The following JAZF1 variants were observed in gnomAD, a reference collection of about 807,000 sequenced individuals.
JAZF1 encodes the protein juxtaposed with another zinc finger protein 1.
JAZF1 carries 8 observed loss-of-function variants against 26.4 expected under a neutral mutation model. The observed-to-expected ratio is 0.30, with a 90% CI of 0.18 to 0.55. The LOEUF is 0.55. Ranked by LOEUF, JAZF1 falls within the 20% of genes least tolerant of loss-of-function variation. The probability of loss-of-function intolerance (pLI) is 0.94; values close to 1 mark genes in which losing one functional copy is unlikely to be tolerated. For missense variants in JAZF1, 199 were observed against 322.0 expected, an observed-to-expected ratio of 0.62 and a Z score of 2.92; for synonymous variants, 126 against 122.3, an observed-to-expected ratio of 1.03 and a Z score of -0.20.
chr7:27,932,242 C>T (rs1235989310), intron 2 of JAZF1, among the ~76,000 whole-genome samples: 2 of 152,140 alleles, frequency 1.3e-5, no homozygotes, highest in Non-Finnish European at 2.9e-5. Context: ...AGACATTTCC[C>T]CCAACTGTTC....
At chr7:27,886,183 AC>A (rs1783859678) in intron 3 of JAZF1, among the ~76,000 whole-genome samples, 1 of 152,196 alleles carries the variant, frequency 6.6e-6, no homozygotes, top group South Asian at 2.1e-4. Flanking sequence ...ATTAATCCTC[AC>A]AGTAAAGTAA....
chr7:27,835,565 G>A (rs577988516), intron 4 of JAZF1, among the ~76,000 whole-genome samples: 1 of 152,316 alleles, frequency 6.6e-6, no homozygotes, highest in South Asian at 2.1e-4. Flanking sequence ...TCCAGGGTTG[G>A]TCAGAGAACC....
chr7:28,136,353 T>C (rs1269453608), intron 1 of JAZF1, among the ~76,000 whole-genome samples: 2 of 152,222 alleles, frequency 1.3e-5, no homozygotes, highest in Non-Finnish European at 2.9e-5. Flanking sequence ...TTATCTCCCA[T>C]ATTGAACCAG....
chr7:28,144,156 C>T (rs983502336), intron 1 of JAZF1, among the ~76,000 whole-genome samples: 4 of 152,202 alleles, frequency 2.6e-5, no homozygotes, highest in African/African-American at 9.7e-5. Context: ...GCAGGCAGTG[C>T]TATCCTCCCA....
intron 2 of JAZF1, among the ~76,000 whole-genome samples, chr7:27,980,774 C>A (rs1480220620): frequency 6.7e-6 from 1 of 148,544 alleles, no homozygotes; most frequent in Non-Finnish European, 1.5e-5. Context: ...ATTTAGCCTA[C>A]TGTTGTCAAG....
intron 2 of JAZF1, among the ~76,000 whole-genome samples, chr7:27,977,708 C>G (rs1583489604): frequency 1.3e-5 from 2 of 152,134 alleles, no homozygotes; most frequent in Admixed American, 6.5e-5. Flanking sequence ...TCACTTGCAC[C>G]CCCTTTCTCT....
chr7:28,158,782 C>T (rs1783232669), intron 1 of JAZF1, among the ~76,000 whole-genome samples: 1 of 152,188 alleles, frequency 6.6e-6, no homozygotes, highest in Admixed American at 6.5e-5. Context: ...AGAAGCAGTC[C>T]TATCTTTGAT....
chr7:28,180,006 G>A (rs1036345734), intron 1 of JAZF1, among the ~76,000 whole-genome samples: 2 of 131,544 alleles, frequency 1.5e-5, no homozygotes, highest in Admixed American at 8.2e-5. Context: ...TGCAGCGCCC[G>A]CCCCCCGCTG....
intron 2 of JAZF1, among the ~76,000 whole-genome samples, chr7:27,931,096 G>A (rs2128349936): frequency 6.6e-6 from 1 of 152,278 alleles, no homozygotes; most frequent in East Asian, 1.9e-4. Context: ...CTTCCAGAAG[G>A]CCATCTACAA....
intron 1 of JAZF1, among the ~76,000 whole-genome samples, chr7:28,039,120 G>A (rs181172620): frequency 6.6e-6 from 1 of 152,266 alleles, no homozygotes; most frequent in East Asian, 1.9e-4. Flanking sequence ...CATATGGAAC[G>A]TAAGCTCATA....
intron 2 of JAZF1, among the ~76,000 whole-genome samples, chr7:27,974,922 G>C (rs1785443071): frequency 6.8e-6 from 1 of 146,972 alleles, no homozygotes; most frequent in South Asian, 2.2e-4. Flanking sequence ...TCTCGCCTCT[G>C]TCACCAGGCT....
intron 3 of JAZF1, among the ~76,000 whole-genome samples, chr7:27,874,160 C>T (rs1783632736): frequency 6.6e-6 from 1 of 152,240 alleles, no homozygotes; most frequent in African/African-American, 2.4e-5. Flanking sequence ...CCCAGGAAGG[C>T]TGGCTCAGCC....
At chr7:27,994,194 T>C (rs574385963) in intron 1 of JAZF1, among the ~76,000 whole-genome samples, 8 of 152,346 alleles carry the variant, frequency 5.3e-5, no homozygotes, top group African/African-American at 1.7e-4. Flanking sequence ...TACAAATGTC[T>C]ACAATTTTGT....
chr7:27,896,727 A>G (rs1009221156), intron 2 of JAZF1, among the ~76,000 whole-genome samples: 5 of 152,236 alleles, frequency 3.3e-5, no homozygotes, highest in Non-Finnish European at 7.3e-5. Flanking sequence ...AACAACAGTA[A>G]TACTGTTACG....
chr7:28,125,425 AAGAT>A (rs1782679266), intron 1 of JAZF1, among the ~76,000 whole-genome samples: 1 of 152,216 alleles, frequency 6.6e-6, no homozygotes, highest in Non-Finnish European at 1.5e-5. Flanking sequence ...AATGAAAGCA[AAGAT>A]AGAAACCGGT....
chr7:27,861,312 A>AT (rs919242491), intron 3 of JAZF1, among the ~76,000 whole-genome samples: 14 of 150,558 alleles, frequency 9.3e-5, no homozygotes, highest in East Asian at 7.8e-4. Context: ...TTTGAAAAAA[A>AT]TTTTTTTTTT....
chr7:28,050,436 A>C (rs897507365), intron 1 of JAZF1, among the ~76,000 whole-genome samples: 5 of 152,172 alleles, frequency 3.3e-5, no homozygotes, highest in Non-Finnish European at 7.3e-5. Flanking sequence ...CAACTCTGTG[A>C]ATAGAAAACC....
At chr7:27,987,385 C>T (rs1785747385) in intron 2 of JAZF1, among the ~76,000 whole-genome samples, 1 of 152,038 alleles carries the variant, frequency 6.6e-6, no homozygotes, top group Non-Finnish European at 1.5e-5. Context: ...TGCCCGGCCG[C>T]CCCGTCTGAG....
At chr7:28,120,176 GT>G (rs68126733) in intron 1 of JAZF1, among the ~76,000 whole-genome samples, 125,594 of 147,956 alleles carry the variant, frequency 0.85, 53,079 homozygotes, top group Admixed American at 0.9. Context: ...TTGTTTGGTG[GT>G]TTTTTTTTTT....
Sources: gnomAD v4.1 joint callset for allele counts (sites outside exome capture counted in the v4.1 genomes callset) on GRCh38, gnomAD v4.1.1 for gene constraint, MANE v1.5 for transcripts, NCBI Gene and HGNC (gene_info 2026-07-23, HGNC 2026-07-21) for gene names.